The following SLC2A13 variants were observed in gnomAD, a reference collection of about 807,000 sequenced individuals.
The protein encoded by SLC2A13 is solute carrier family 2 member 13, also known as proton myo-inositol cotransporter.
SLC2A13 carries 32 observed loss-of-function variants against 64.4 expected under a neutral mutation model. That is an observed-to-expected ratio of 0.50 (90% confidence interval 0.37 to 0.67). The LOEUF (loss-of-function observed/expected upper bound fraction) is 0.67, where lower values mean the gene tolerates loss of function less well. Ranked by LOEUF, SLC2A13 falls within the 30% of genes least tolerant of loss-of-function variation. The probability of loss-of-function intolerance (pLI) is 0.00; values close to 1 mark genes in which losing one functional copy is unlikely to be tolerated. For synonymous variants in SLC2A13, 338 were observed against 327.1 expected (o/e 1.03, Z -0.36); for missense variants, 743 against 829.2 (o/e 0.90, Z 1.28).
chr12:39,841,154 T>C (rs1236025970), intron 6 of SLC2A13, among the ~76,000 whole-genome samples: 1 of 152,128 alleles, frequency 6.6e-6, no homozygotes, highest in Non-Finnish European at 1.5e-5. Flanking sequence ...AAAAATTTTA[T>C]AGTAGTGAGG....
chr12:39,898,650 G>T (rs745526254), intron 4 of SLC2A13, among the ~76,000 whole-genome samples: 18 of 152,076 alleles, frequency 1.2e-4, no homozygotes, highest in Non-Finnish European at 2.1e-4. Flanking sequence ...CACACTATGA[G>T]AGACATACAA....
intron 3 of SLC2A13, among the ~76,000 whole-genome samples, chr12:40,011,229 G>T (rs1947526550): frequency 6.6e-6 from 1 of 152,058 alleles, no homozygotes. Context: ...ATGTTGCAGG[G>T]GCTGTTCTGT....
intron 7 of SLC2A13, among the ~76,000 whole-genome samples, chr12:39,778,046 T>C (rs1940840198): frequency 6.6e-6 from 1 of 152,166 alleles, no homozygotes; most frequent in South Asian, 2.1e-4. Context: ...CCCTAGACAC[T>C]GCCATGGGGT....
rs931101542 is a variant in SLC2A13, at chr12:39,756,307, C to T, written c.*3719G>A. On this transcript the variant is annotated 3_prime_UTR_variant, in exon 10 of 10. Coordinates refer to ENST00000280871, the MANE Select transcript of SLC2A13 (RefSeq NM_052885.4). ...CCTGGTCTGATATAATCATCTATTTCTTTTACTCATAGATACTGAAAAGGT... is the reference window on the plus strand; with the variant it reads ...CCTGGTCTGATATAATCATCTATTTTTTTTACTCATAGATACTGAAAAGGT... 6.6e-6 allele frequency: 1 copy of T among 151,924 alleles called. No homozygotes were observed. The highest frequency in any genetic ancestry group is 2.1e-4 in the South Asian group (1 of 4,826). 9.4% of individuals were successfully genotyped at this position (151,924 alleles called of 1,614,324 possible). A position where few individuals can be genotyped will look rare whatever the true frequency, so the allele number is the denominator to read the frequency against.
intron 3 of SLC2A13, among the ~76,000 whole-genome samples, chr12:39,969,134 C>T (rs373849460): frequency 6.6e-6 from 1 of 152,038 alleles, no homozygotes; most frequent in African/African-American, 2.4e-5. Flanking sequence ...TGAACTCATC[C>T]TTTTTTATGG....
At chr12:39,912,538 T>C (rs974491972) in intron 4 of SLC2A13, among the ~76,000 whole-genome samples, 4 of 152,046 alleles carry the variant, frequency 2.6e-5, no homozygotes, top group Non-Finnish European at 4.4e-5. Context: ...GATAGAAAAG[T>C]TATAATCGAG....
rs539669538 is a variant in SLC2A13 at position 40,016,938 on chromosome 12, G to A, written c.925+11363C>T. Among the ~76,000 whole-genome samples the A allele has an allele frequency of 5.3e-5, 8 of 152,290 alleles. 1 individual carries two copies. Among genetic ancestry groups the A allele is most frequent in the African/African-American group, 1.9e-4 (8 of 41,576 alleles). On this transcript the variant is annotated intron_variant, in intron 3 of 9. Transcript: ENST00000280871. ...TAAATTCCAAACTGTTTTGCTAAAA[G>A]TCCACAACGAGTTTCTAAACATATA...
chr12:39,986,117 G>A (rs962394460), intron 3 of SLC2A13, among the ~76,000 whole-genome samples: 3 of 151,958 alleles, frequency 2.0e-5, no homozygotes, highest in African/African-American at 7.3e-5. Context: ...AATTGTGAGG[G>A]TTCCACCATG....
intron 4 of SLC2A13, among the ~76,000 whole-genome samples, chr12:39,943,943 C>G (rs912475800): frequency 6.6e-6 from 1 of 152,132 alleles, no homozygotes; most frequent in African/African-American, 2.4e-5. Flanking sequence ...CCCAGTGGCA[C>G]CTGTAACACC....
intron 3 of SLC2A13, among the ~76,000 whole-genome samples, chr12:39,996,047 C>A (rs1194839608): frequency 1.3e-5 from 2 of 152,176 alleles, no homozygotes; most frequent in Non-Finnish European, 2.9e-5. Context: ...TGAAAACATA[C>A]CAGTTGGAAC....
At chr12:39,765,349 C>T (rs937081506) in intron 7 of SLC2A13, among the ~76,000 whole-genome samples, 2 of 151,982 alleles carry the variant, frequency 1.3e-5, no homozygotes, top group Non-Finnish European at 2.9e-5. Flanking sequence ...TTCCAAATAG[C>T]CCTCTCCCTT....
chr12:40,081,425 A>T (rs1443874168), intron 1 of SLC2A13, among the ~76,000 whole-genome samples: 4 of 152,154 alleles, frequency 2.6e-5, no homozygotes. Context: ...AACTGAGTTG[A>T]TTCAAAGAAC....
At chr12:39,877,417 A>G (rs1038429492) in intron 4 of SLC2A13, among the ~76,000 whole-genome samples, 1 of 152,134 alleles carries the variant, frequency 6.6e-6, no homozygotes, top group African/African-American at 2.4e-5. Flanking sequence ...TGATTCAATT[A>G]CCTCCCATTG....
rs192976909 is a variant in SLC2A13, at chr12:40,086,688, T to C, written c.556+18565A>G. Among the ~76,000 whole-genome samples the C allele has an allele frequency of 1.3e-3, 202 of 152,312 alleles. 2 individuals carry two copies. Among genetic ancestry groups the C allele is most frequent in the African/African-American group, 4.7e-3 (196 of 41,568 alleles). Reference sequence around the variant, plus strand: ...AAACAAGACATGCATTGTTGTCTCCTATCCACAAGCTGAATGACAAGGAAG... The same window carrying C: ...AAACAAGACATGCATTGTTGTCTCCCATCCACAAGCTGAATGACAAGGAAG... On this transcript the variant is annotated intron_variant, in intron 1 of 9. Coordinates refer to ENST00000280871, the MANE Select transcript of SLC2A13 (RefSeq NM_052885.4).
chr12:40,102,728 G>A (rs1939190353), intron 1 of SLC2A13, among the ~76,000 whole-genome samples: 1 of 152,058 alleles, frequency 6.6e-6, no homozygotes, highest in Non-Finnish European at 1.5e-5. Flanking sequence ...AATTAACCCA[G>A]ATTGTGTACC....
intron 7 of SLC2A13, among the ~76,000 whole-genome samples, chr12:39,779,695 A>C (rs982869827): frequency 6.6e-6 from 1 of 152,224 alleles, no homozygotes; most frequent in African/African-American, 2.4e-5. Flanking sequence ...CCTCTAAGAA[A>C]TCTATGTCTA....
chr12:40,100,827 G>A (rs985678475), intron 1 of SLC2A13, among the ~76,000 whole-genome samples: 2 of 151,904 alleles, frequency 1.3e-5, no homozygotes, highest in African/African-American at 4.8e-5. Context: ...AGCTGGGTGT[G>A]GTGGGCAGGC....
At chr12:39,909,655 C>T (rs1299088347) in intron 4 of SLC2A13, among the ~76,000 whole-genome samples, 3 of 152,110 alleles carry the variant, frequency 2.0e-5, no homozygotes, top group African/African-American at 7.3e-5. Flanking sequence ...GCTGTGAAGT[C>T]ATGGTAGTCA....
Position 39,989,850 on chromosome 12 carries a change from G to A in SLC2A13, c.925+38451C>T, listed in dbSNP as rs937140949. Among the ~76,000 whole-genome samples, 6 of 152,176 alleles carry A rather than the reference G, an allele frequency of 3.9e-5. No homozygotes were observed. In the East Asian group the frequency reaches 7.7e-4, roughly 20 times the overall value. On this transcript the variant is annotated intron_variant, in intron 3 of 9. Coordinates refer to ENST00000280871, the MANE Select transcript of SLC2A13 (RefSeq NM_052885.4). Reference sequence around the variant, plus strand: ...GGTAAACAAAAAGAAAATTGCCACTGCTGTCAGGAAATTTTACAGATGAGA... The same window carrying A: ...GGTAAACAAAAAGAAAATTGCCACTACTGTCAGGAAATTTTACAGATGAGA...
Sources: allele counts gnomAD v4.1 joint callset (sites outside exome capture counted in the v4.1 genomes callset), GRCh38; gene constraint gnomAD v4.1.1; transcripts MANE v1.5; gene names NCBI Gene and HGNC (gene_info 2026-07-23, HGNC 2026-07-21).